CNTLN: variants seen among roughly 807,000 people sequenced by gnomAD.
CNTLN encodes centlein.
Under a neutral mutation model 180.0 loss-of-function variants are expected in CNTLN, and 212 were observed. The observed-to-expected ratio is 1.18, with a 90% CI of 1.05 to 1.32. CNTLN has a LOEUF of 1.32. Ranked by LOEUF, CNTLN falls within the 40% of genes most tolerant of loss-of-function variation. CNTLN has a pLI of 0.00. For synonymous variants in CNTLN, 722 were observed against 563.1 expected, an observed-to-expected ratio of 1.28 and a Z score of -3.99; for missense variants, 2,095 against 1,610.9, an observed-to-expected ratio of 1.30 and a Z score of -5.14.
chr9:17,476,965 A>G (rs1832384934), intron 23 of CNTLN, among the ~76,000 whole-genome samples: 1 of 152,216 alleles, frequency 6.6e-6, no homozygotes, highest in African/African-American at 2.4e-5. Flanking sequence ...CAAAGCTTCA[A>G]AGAACGGGCT....
At chr9:17,234,597 A>C (rs1825019673) in intron 3 of CNTLN, among the ~76,000 whole-genome samples, 1 of 152,160 alleles carries the variant, frequency 6.6e-6, no homozygotes, top group Non-Finnish European at 1.5e-5. Flanking sequence ...GAAATGTGAG[A>C]GTATAAAATA....
At chr9:17,183,114 A>G (rs1333637215) in intron 2 of CNTLN, among the ~76,000 whole-genome samples, 1 of 152,156 alleles carries the variant, frequency 6.6e-6, no homozygotes, top group Admixed American at 6.5e-5. Flanking sequence ...GATGGATAGA[A>G]TCTGTATTTA....
Position 17,487,032 on chromosome 9 carries a change from G to T in CNTLN, c.4085G>T (p.Trp1362Leu). ...TKIDAENDKE[W>L]MLYIQKLLEG... ...ATTGATGCTGAAAATGACAAGGAAT[G>T]GATGTTGTACATTCAGAAACTTCTT... Residue 1362 changes from tryptophan to leucine, a missense_variant, in exon 25 of 26, where the codon TGG becomes TTG. By Grantham distance (61) the Trp-to-Leu change is moderately conservative. Coordinates refer to ENST00000380647, the MANE Select transcript of CNTLN (RefSeq NM_017738.4). 1 of 1,596,482 alleles carries T rather than the reference G, an allele frequency of 6.3e-7. No individual in the cohort carries two copies. Among genetic ancestry groups the T allele is most frequent in the South Asian group, 1.2e-5 (1 of 86,638 alleles).
intron 12 of CNTLN, among the ~76,000 whole-genome samples, chr9:17,361,136 G>A (rs532238330): frequency 1.3e-5 from 2 of 152,110 alleles, no homozygotes; most frequent in East Asian, 1.9e-4. Context: ...ATGTATACAT[G>A]TGCCATGTTG....
At position 17,342,368 on chromosome 9, in the gene CNTLN, C is replaced by T. The variant is rs375104473; in HGVS notation, c.1810C>T (p.Arg604Ter). 2.2e-5 allele frequency: 35 copies of T among 1,611,998 alleles called. No individual in the cohort carries two copies. The African/African-American group carries it at 2.3e-4, about 10-fold the overall frequency. Residue 604 changes from arginine to a stop codon, truncating the protein, a stop_gained, in exon 12 of 26, where the codon CGA becomes TGA. Transcript: ENST00000380647. LOFTEE classifies it high-confidence loss of function. ...AAAGAGAGCAGATCCCCAACAACTTCGACAAGAAGATTCTGACGCTGTGTG... is the reference window on the plus strand; with the variant it reads ...AAAGAGAGCAGATCCCCAACAACTTTGACAAGAAGATTCTGACGCTGTGTG... ...KIKRADPQQL[R>*]QEDSDAVWNE...
rs1301806534 is a variant in CNTLN, at chr9:17,503,052, G to A, written c.*400G>A. 2 of 153,002 alleles carry A rather than the reference G, an allele frequency of 1.3e-5. No individual in the cohort carries two copies. Among genetic ancestry groups the A allele is most frequent in the Non-Finnish European group, 2.9e-5 (2 of 68,532 alleles). 9.5% of individuals were successfully genotyped at this position (153,002 alleles called of 1,614,324 possible). The stretch of plus-strand genomic sequence containing the variant: ...AGACTTTTTACATAAAACTGCTATA[G>A]ATGGCCATAAGTGGTCCAGGGAGCA... On this transcript the variant is annotated 3_prime_UTR_variant, in exon 26 of 26. Coordinates refer to ENST00000380647, the MANE Select transcript of CNTLN (RefSeq NM_017738.4).
intron 6 of CNTLN, among the ~76,000 whole-genome samples, chr9:17,277,779 G>A (rs1009694825): frequency 6.6e-6 from 1 of 152,038 alleles, no homozygotes; most frequent in Non-Finnish European, 1.5e-5. Context: ...GAGGTATGAA[G>A]TGCACATATA....
intron 2 of CNTLN, among the ~76,000 whole-genome samples, chr9:17,172,859 C>G (rs2131662390): frequency 6.6e-6 from 1 of 152,210 alleles, no homozygotes; most frequent in Admixed American, 6.5e-5. Context: ...ATCAAGGCCT[C>G]CAACATGATT....
At chr9:17,248,156 C>G (rs1174040164) in intron 5 of CNTLN, among the ~76,000 whole-genome samples, 2 of 152,118 alleles carry the variant, frequency 1.3e-5, no homozygotes, top group African/African-American at 4.8e-5. Context: ...GTGGTGTACT[C>G]TATTAATTGA....
chr9:17,173,669 G>A (rs1820546968), intron 2 of CNTLN, among the ~76,000 whole-genome samples: 1 of 152,074 alleles, frequency 6.6e-6, no homozygotes, highest in Non-Finnish European at 1.5e-5. Flanking sequence ...TCAAAACAAA[G>A]AAACATTGTT....
At chr9:17,492,834 C>A (rs1437284699) in intron 25 of CNTLN, among the ~76,000 whole-genome samples, 1 of 152,020 alleles carries the variant, frequency 6.6e-6, no homozygotes, top group Non-Finnish European at 1.5e-5. Flanking sequence ...TGGAAATGAT[C>A]CAAATGCCCA....
intron 2 of CNTLN, among the ~76,000 whole-genome samples, chr9:17,160,686 C>T (rs1401870187): frequency 6.6e-6 from 1 of 152,092 alleles, no homozygotes; most frequent in African/African-American, 2.4e-5. Flanking sequence ...AAGATATAAG[C>T]CACCAAAGAA....
At chr9:17,304,800 A>G (rs1329099362) in intron 7 of CNTLN, among the ~76,000 whole-genome samples, 2 of 152,126 alleles carry the variant, frequency 1.3e-5, no homozygotes, top group Non-Finnish European at 2.9e-5. Flanking sequence ...GGTAGATTCC[A>G]TCTCATTCTT....
intron 10 of CNTLN, among the ~76,000 whole-genome samples, chr9:17,333,077 G>A (rs1820752818): frequency 6.6e-6 from 1 of 151,970 alleles, no homozygotes; most frequent in Non-Finnish European, 1.5e-5. Context: ...ATAAACATAT[G>A]TAAATGAAAG....
chr9:17,136,943 G>A (rs952577963), intron 1 of CNTLN, among the ~76,000 whole-genome samples: 5 of 151,682 alleles, frequency 3.3e-5, no homozygotes, highest in South Asian at 2.1e-4. Flanking sequence ...CATATTTTCC[G>A]CACTCTTTCC....
intron 8 of CNTLN, among the ~76,000 whole-genome samples, chr9:17,320,490 C>T (rs933143677): frequency 4.6e-5 from 5 of 109,148 alleles, no homozygotes; most frequent in African/African-American, 1.7e-4. Flanking sequence ...TATTCCAATG[C>T]CTTTTGTTTG....
intron 2 of CNTLN, among the ~76,000 whole-genome samples, chr9:17,146,867 T>C (rs541851349): frequency 6.6e-6 from 1 of 152,168 alleles, no homozygotes; most frequent in South Asian, 2.1e-4. Context: ...TCTTTCTGAT[T>C]ATAATTTTTG....
chr9:17,459,921 C>G (rs888391312), intron 19 of CNTLN, among the ~76,000 whole-genome samples: 22 of 151,710 alleles, frequency 1.5e-4, no homozygotes, highest in African/African-American at 5.3e-4. Flanking sequence ...CTTCTACATA[C>G]TAATTTGTTT....
chr9:17,190,140 G>T (rs1485156157), intron 2 of CNTLN, among the ~76,000 whole-genome samples: 3 of 148,970 alleles, frequency 2.0e-5, no homozygotes, highest in Non-Finnish European at 4.4e-5. Flanking sequence ...TGCTGTAGCT[G>T]GAACACTGTC....
Sources: gnomAD v4.1 joint callset for allele counts (sites outside exome capture counted in the v4.1 genomes callset) on GRCh38, gnomAD v4.1.1 for gene constraint, MANE v1.5 for transcripts, NCBI Gene and HGNC (gene_info 2026-07-23, HGNC 2026-07-21) for gene names.